The following PPIL6 variants were observed in gnomAD, a reference collection of about 807,000 sequenced individuals.
PPIL6 encodes the protein probable inactive peptidyl-prolyl cis-trans isomerase-like 6.
Under a neutral mutation model 36.8 loss-of-function variants are expected in PPIL6, and 39 were observed. The ratio of observed to expected loss-of-function variants is 1.06; its 90% CI spans 0.82 to 1.38. The LOEUF is 1.38. Ranked by LOEUF, PPIL6 falls within the 40% of genes most tolerant of loss-of-function variation. The pLI, the probability that PPIL6 is intolerant of heterozygous loss-of-function variation, is 0.00. For synonymous variants in PPIL6, 123 were observed against 134.1 expected (o/e 0.92, Z 0.57); for missense variants, 368 against 379.1 (o/e 0.97, Z 0.24).
At chr6:109,397,972 A>C (rs35148383) in intron 7 of PPIL6, among the ~76,000 whole-genome samples, 2,228 of 151,584 alleles carry the variant, frequency 0.015, 20 homozygotes, top group Non-Finnish European at 0.023. Context: ...GCTCACTGCA[A>C]CCTCCCCCTG....
chr6:109,406,658 A>C (rs186185975), intron 6 of PPIL6, among the ~76,000 whole-genome samples: 1 of 152,196 alleles, frequency 6.6e-6, no homozygotes, highest in East Asian at 1.9e-4. Context: ...CCTTACCTAC[A>C]ATTTAGTACA....
At chr6:109,415,862 G>A (rs917601758) in intron 6 of PPIL6, among the ~76,000 whole-genome samples, 1 of 152,170 alleles carries the variant, frequency 6.6e-6, no homozygotes, top group African/African-American at 2.4e-5. Flanking sequence ...AGACCACTTT[G>A]ATGCCTTTGG....
At chr6:109,410,156 T>G (rs1317799128) in intron 6 of PPIL6, among the ~76,000 whole-genome samples, 1 of 152,240 alleles carries the variant, frequency 6.6e-6, no homozygotes, top group Non-Finnish European at 1.5e-5. Context: ...GTGTCCCATG[T>G]GGAAGATCAG....
At chr6:109,428,982 T>C (rs1259694114) in intron 3 of PPIL6, among the ~76,000 whole-genome samples, 3 of 152,156 alleles carry the variant, frequency 2.0e-5, no homozygotes, top group Non-Finnish European at 4.4e-5. Context: ...AATAGATAGT[T>C]CTGAAAATGC....
At position 109,426,836 on chromosome 6, in the gene PPIL6, T is replaced by G; in HGVS notation, c.631+11A>C. The G allele has an allele frequency of 6.7e-7, 1 of 1,491,430 alleles. No individual in the cohort carries two copies. The highest frequency in any genetic ancestry group is 1.8e-4 in the Middle Eastern group (1 of 5,586). 92.4% of individuals were successfully genotyped at this position (1,491,430 alleles called of 1,614,324 possible). ...ATTGCAATTAACTCGTATTTAAGAT[T>G]TTAAACTTACCCCCTCCTTGTATCC... On this transcript the variant is annotated intron_variant, in intron 5 of 7. Transcript: ENST00000521072.
chr6:109,426,296 A>G (rs1773810164), intron 5 of PPIL6, among the ~76,000 whole-genome samples: 1 of 152,150 alleles, frequency 6.6e-6, no homozygotes, highest in Non-Finnish European at 1.5e-5. Flanking sequence ...CTTCCTATGG[A>G]CTATCCCCCA....
At position 109,390,558 on chromosome 6, in the gene PPIL6, AT is replaced by A. The variant is rs1386828256; in HGVS notation, c.*2267del. 1 of 152,306 alleles carries A rather than the reference AT, an allele frequency of 6.6e-6. No individual in the cohort carries two copies. The highest frequency in any genetic ancestry group is 2.4e-5 in the African/African-American group (1 of 41,456). 9.4% of individuals were successfully genotyped at this position (152,306 alleles called of 1,614,324 possible). ...TATGTCATATAGCAATAAAGCTGTC[AT>A]TAAAAGGAAAAGCAAATGCCAGTTG... On this transcript the variant is annotated 3_prime_UTR_variant, in exon 8 of 8. Coordinates refer to ENST00000521072, the MANE Select transcript of PPIL6 (RefSeq NM_173672.5).
chr6:109,408,176 A>G (rs1694203813), intron 6 of PPIL6, among the ~76,000 whole-genome samples: 1 of 152,250 alleles, frequency 6.6e-6, no homozygotes, highest in South Asian at 2.1e-4. Context: ...TTGACTGGAT[A>G]TAAAATCCTT....
chr6:109,418,186 G>A (rs1773358840), intron 6 of PPIL6: 1 of 153,128 alleles, frequency 6.5e-6, no homozygotes, highest in Non-Finnish European at 1.5e-5. Flanking sequence ...GATTGTCCCT[G>A]TATCCTGGAT....
intron 6 of PPIL6, among the ~76,000 whole-genome samples, chr6:109,406,754 G>T (rs1009102876): frequency 6.6e-6 from 1 of 152,008 alleles, no homozygotes; most frequent in Non-Finnish European, 1.5e-5. Flanking sequence ...TCCTCCAAAG[G>T]TAACCCATTA....
At chr6:109,433,694 A>C (rs1461841037) in intron 2 of PPIL6, among the ~76,000 whole-genome samples, 1 of 152,224 alleles carries the variant, frequency 6.6e-6, no homozygotes, top group African/African-American at 2.4e-5. Context: ...CAGAGAGACC[A>C]AATGAGCTAA....
chr6:109,417,343 T>C (rs1773317460), intron 6 of PPIL6, among the ~76,000 whole-genome samples: 1 of 151,248 alleles, frequency 6.6e-6, no homozygotes, highest in Non-Finnish European at 1.5e-5. Flanking sequence ...AGCCCAGGAG[T>C]TCAAGTCCAG....
chr6:109,399,094 TTTTATTTATTTATTTA>T (rs58404867), intron 7 of PPIL6, among the ~76,000 whole-genome samples: 4 of 148,254 alleles, frequency 2.7e-5, no homozygotes, highest in Admixed American at 6.7e-5. Context: ...CCCAGCTAAT[TTTTATTTATTTATTTA>T]TTTATTTATT....
intron 2 of PPIL6, among the ~76,000 whole-genome samples, chr6:109,435,624 G>A (rs539616408): frequency 1.7e-4 from 25 of 149,962 alleles, no homozygotes; most frequent in African/African-American, 5.6e-4. Flanking sequence ...ACAAAAACAA[G>A]AACAAAAAAC....
At chr6:109,440,651 G>GC, upstream of PPIL6, 1 of 1,155,228 alleles carries the variant, frequency 8.7e-7, no homozygotes, top group Non-Finnish European at 1.1e-6. Context: ...CAACCGCGCG[G>GC]CCCCGCCTCC....
intron 3 of PPIL6, 76 bp from the exon 4 acceptor site, chr6:109,427,232 A>C: frequency 3.3e-6 from 3 of 896,370 alleles, no homozygotes; most frequent in Non-Finnish European, 3.6e-6. Context: ...CCAAAAATAC[A>C]GCAGATACAA....
chr6:109,414,741 C>T (rs996566799), intron 6 of PPIL6, among the ~76,000 whole-genome samples: 8 of 152,094 alleles, frequency 5.3e-5, no homozygotes, highest in East Asian at 1.9e-4. Flanking sequence ...TTTTGATCTA[C>T]AGTTGACCCT....
At chr6:109,400,448 AATATATACAGT>A (rs1381235992) in intron 6 of PPIL6, among the ~76,000 whole-genome samples, 1 of 152,232 alleles carries the variant, frequency 6.6e-6, no homozygotes, top group African/African-American at 2.4e-5. Flanking sequence ...TGTACAAGGA[AATATATACAGT>A]ATTCTAATCA....
At chr6:109,425,517 GGCGT>G (rs1406471270) in intron 5 of PPIL6, among the ~76,000 whole-genome samples, 1 of 152,190 alleles carries the variant, frequency 6.6e-6, no homozygotes, top group Non-Finnish European at 1.5e-5. Context: ...GGGAGGCTGA[GGCGT>G]GCGGATCACC....
Sources: allele counts gnomAD v4.1 joint callset (sites outside exome capture counted in the v4.1 genomes callset), GRCh38; gene constraint gnomAD v4.1.1; transcripts MANE v1.5; gene names NCBI Gene and HGNC (gene_info 2026-07-23, HGNC 2026-07-21).